The following NR1D2 variants were observed in gnomAD, a reference collection of about 807,000 sequenced individuals.
NR1D2 encodes the protein V-erbA-related protein 1-related.
In NR1D2, 25 loss-of-function variants were observed where a neutral mutation model predicts 52.2. The ratio of observed to expected loss-of-function variants is 0.48; its 90% CI spans 0.35 to 0.67. NR1D2 has a LOEUF of 0.67. NR1D2 is among the 30% of genes least tolerant of loss of function. The pLI is 0.01. For synonymous variants in NR1D2, 259 were observed against 230.1 expected, an observed-to-expected ratio of 1.13 and a Z score of -1.14; for missense variants, 681 against 707.2, an observed-to-expected ratio of 0.96 and a Z score of 0.42.
rs1340151019 is a variant in NR1D2, at chr3:23,963,472, G to C, written c.1146+867G>C. 4.9e-5 allele frequency: 51 copies of C among 1,042,846 alleles called. No homozygotes were observed. In the South Asian group the frequency reaches 8.9e-4, roughly 18 times the overall value. 64.6% of individuals were successfully genotyped at this position (1,042,846 alleles called of 1,614,324 possible). A position where few individuals can be genotyped will look rare whatever the true frequency, so the allele number is the denominator to read the frequency against. The stretch of plus-strand genomic sequence containing the variant: ...GTTGCTTTTTTGTTTTTTTTTTTGA[G>C]ACATTCTTGCTCTGTTGCCCAGGCT... On this transcript the variant is annotated intron_variant, in intron 5 of 7. Coordinates refer to ENST00000312521, the MANE Select transcript of NR1D2 (RefSeq NM_005126.5).
chr3:23,951,049 G>A (rs1371511618), intron 1 of NR1D2, among the ~76,000 whole-genome samples: 1 of 151,884 alleles, frequency 6.6e-6, no homozygotes, highest in East Asian at 1.9e-4. Context: ...GGGATTACAG[G>A]CATGCGCCAC....
At chr3:23,957,253 G>A (rs1706103713) in intron 3 of NR1D2, among the ~76,000 whole-genome samples, 1 of 151,932 alleles carries the variant, frequency 6.6e-6, no homozygotes, top group Admixed American at 6.6e-5. Context: ...AAAGTGCTGG[G>A]ATTACAGGCG....
chr3:23,971,119 A>G (rs142536913), intron 7 of NR1D2, among the ~76,000 whole-genome samples: 1 of 152,050 alleles, frequency 6.6e-6, no homozygotes, highest in East Asian at 1.9e-4. Flanking sequence ...TTAAAGCAGT[A>G]TCTAGGCAGG....
At chr3:23,952,742 T>C (rs79090298) in intron 1 of NR1D2, among the ~76,000 whole-genome samples, 1 of 142,818 alleles carries the variant, frequency 7.0e-6, no homozygotes, top group Non-Finnish European at 1.5e-5. Flanking sequence ...AAAAAAAAAA[T>C]CGTGTCTGAT....
chr3:23,961,260 G>A (rs2125290205), intron 4 of NR1D2, among the ~76,000 whole-genome samples: 1 of 152,130 alleles, frequency 6.6e-6, no homozygotes, highest in South Asian at 2.1e-4. Flanking sequence ...ATGGATGTGT[G>A]TAGCTGAATC....
intron 5 of NR1D2, chr3:23,963,358 A>G (rs986968768): frequency 4.3e-5 from 57 of 1,316,846 alleles, no homozygotes; most frequent in Non-Finnish European, 5.5e-5. Context: ...TTTCATTTTC[A>G]AAATAGTTGA....
rs905804956 is a variant in NR1D2 at position 23,946,254 on chromosome 3, G to A, written c.16+660G>A. ...GGACGCCGCACGCTCTTTTCGCGAG[G>A]TGACCCCAAGGCGCGGACCCCGCGC... On this transcript the variant is annotated intron_variant, in intron 1 of 7. Transcript: ENST00000312521. 4.1e-6 allele frequency: 4 copies of A among 985,354 alleles called. No homozygotes were observed. The African/African-American group carries it at 7.0e-5, about 17-fold the overall frequency. The allele number at this position is 985,354 out of a possible 1,614,324, so 61.0% of individuals were successfully genotyped here.
At chr3:23,964,782 A>T (rs981091896) in intron 5 of NR1D2, 195 bp from the exon 6 acceptor site, 3 of 449,474 alleles carry the variant, frequency 6.7e-6, no homozygotes, top group Non-Finnish European at 1.2e-5. Flanking sequence ...GTTAATTGCT[A>T]TTTATATTAG....
chr3:23,958,346 T>C (rs964383765), intron 3 of NR1D2, among the ~76,000 whole-genome samples: 3 of 151,968 alleles, frequency 2.0e-5, no homozygotes, highest in Non-Finnish European at 4.4e-5. Context: ...CAGTCCACTT[T>C]TTAAGAAGTA....
chr3:23,965,238 T>A, intron 6 of NR1D2, 76 bp downstream of exon 6: 12 of 742,796 alleles, frequency 1.6e-5, no homozygotes, highest in East Asian at 3.8e-5. Flanking sequence ...TTTAATTCTT[T>A]TTTTTTTTTT....
intron 7 of NR1D2, among the ~76,000 whole-genome samples, chr3:23,976,737 G>A (rs1245915692): frequency 6.6e-6 from 1 of 152,116 alleles, no homozygotes; most frequent in Admixed American, 6.6e-5. Flanking sequence ...AAGTTAGTAA[G>A]TCTAGGTCCA....
chr3:23,951,252 T>C lies in NR1D2; in HGVS notation c.17-3285T>C, dbSNP rs139658811. 4.7e-4 allele frequency among the ~76,000 whole-genome samples: 72 copies of C among 152,296 alleles called. 1 individual carries two copies. The East Asian group carries it at 0.01, about 22-fold the overall frequency. ...TTTCTTAGCTAAGGTAGTCAGCAGA[T>C]CTTGTGAACATAAATGACTGAAAAT... On this transcript the variant is annotated intron_variant, in intron 1 of 7. Coordinates refer to ENST00000312521, the MANE Select transcript of NR1D2 (RefSeq NM_005126.5).
At chr3:23,959,141 G>T (rs765719641) in intron 3 of NR1D2, among the ~76,000 whole-genome samples, 24 of 152,060 alleles carry the variant, frequency 1.6e-4, no homozygotes, top group East Asian at 5.8e-4. Flanking sequence ...GGTGGCGCAT[G>T]CCTGTAGTCC....
chr3:23,978,198 T>A lies in NR1D2; in HGVS notation c.*779T>A, dbSNP rs1706787057. The A allele has an allele frequency of 6.6e-6, 1 of 152,298 alleles. No individual in the cohort carries two copies. Among genetic ancestry groups the A allele is most frequent in the South Asian group, 2.1e-4 (1 of 4,820 alleles). 9.4% of individuals were successfully genotyped at this position (152,298 alleles called of 1,614,324 possible). A position where few individuals can be genotyped will look rare whatever the true frequency, so the allele number is the denominator to read the frequency against. ...CCTACTGATACACACGTATTCAAAG[T>A]TTATGGGTACAACAAAGACATAGTA... On this transcript the variant is annotated 3_prime_UTR_variant, in exon 8 of 8. Transcript: ENST00000312521.
intron 1 of NR1D2, among the ~76,000 whole-genome samples, chr3:23,946,755 A>C (rs1705735355): frequency 6.6e-6 from 1 of 152,208 alleles, no homozygotes; most frequent in Non-Finnish European, 1.5e-5. Context: ...GAATCTGATC[A>C]AGAGAATTTG....
At chr3:23,972,414 G>A (rs1365535454) in intron 7 of NR1D2, among the ~76,000 whole-genome samples, 4 of 152,194 alleles carry the variant, frequency 2.6e-5, no homozygotes, top group Non-Finnish European at 5.9e-5. Flanking sequence ...ATGTTTGCCT[G>A]TAAGATTGGA....
intron 7 of NR1D2, among the ~76,000 whole-genome samples, chr3:23,976,037 T>C (rs1170503186): frequency 6.6e-6 from 1 of 152,228 alleles, no homozygotes; most frequent in African/African-American, 2.4e-5. Context: ...AATATTTTTG[T>C]ATACTCCTGC....
intron 1 of NR1D2, among the ~76,000 whole-genome samples, chr3:23,949,306 A>C (rs1037688092): frequency 5.3e-5 from 8 of 152,022 alleles, no homozygotes; most frequent in African/African-American, 1.9e-4. Context: ...CGGAGGTGGC[A>C]GTGAGTCGAG....
At chr3:23,958,642 TAAAAAAAA>T (rs35959367) in intron 3 of NR1D2, among the ~76,000 whole-genome samples, 9 of 98,100 alleles carry the variant, frequency 9.2e-5, no homozygotes, top group South Asian at 3.4e-4. Flanking sequence ...CCTGTCTCTT[TAAAAAAAA>T]AAAAAAAAAA....
Sources: allele counts gnomAD v4.1 joint callset (sites outside exome capture counted in the v4.1 genomes callset), GRCh38; gene constraint gnomAD v4.1.1; transcripts MANE v1.5; gene names NCBI Gene and HGNC (gene_info 2026-07-23, HGNC 2026-07-21).